Variants in GPC5 observed in about 807,000 individuals in gnomAD.
GPC5 encodes the protein glypican 5.
Under a neutral mutation model 53.9 loss-of-function variants are expected in GPC5, and 47 were observed. The ratio of observed to expected loss-of-function variants is 0.87; its 90% CI spans 0.69 to 1.11. The LOEUF is 1.11. Among genes scored for constraint, GPC5 ranks in the 50% most tolerant of loss-of-function variants. GPC5 has a pLI of 0.00. For missense variants in GPC5, 748 were observed against 713.1 expected, an observed-to-expected ratio of 1.05 and a Z score of -0.56; for synonymous variants, 286 against 263.3, an observed-to-expected ratio of 1.09 and a Z score of -0.84.
chr13:92,725,422 T>G (rs1345600187), intron 7 of GPC5, among the ~76,000 whole-genome samples: 1 of 151,514 alleles, frequency 6.6e-6, no homozygotes, highest in Non-Finnish European at 1.5e-5. Flanking sequence ...ATTTATGACT[T>G]GAAAAAAACA....
chr13:91,878,195 G>A (rs1049814029), intron 5 of GPC5, among the ~76,000 whole-genome samples: 2 of 152,162 alleles, frequency 1.3e-5, no homozygotes, highest in African/African-American at 4.8e-5. Flanking sequence ...AGTAGTTTGT[G>A]TAATAATATG....
intron 7 of GPC5, among the ~76,000 whole-genome samples, chr13:92,691,471 T>C (rs1209026371): frequency 1.7e-4 from 26 of 149,230 alleles, no homozygotes; most frequent in Non-Finnish European, 1.5e-5. Context: ...TGTCTGGCAC[T>C]CCCTAGTGAG....
intron 5 of GPC5, among the ~76,000 whole-genome samples, chr13:91,862,632 G>T (rs897938692): frequency 2.6e-5 from 4 of 151,878 alleles, no homozygotes; most frequent in Non-Finnish European, 5.9e-5. Context: ...ACATATAGAT[G>T]ATTCTATATA....
intron 7 of GPC5, among the ~76,000 whole-genome samples, chr13:92,234,365 A>T (rs1477077729): frequency 6.6e-6 from 1 of 152,074 alleles, no homozygotes; most frequent in East Asian, 1.9e-4. Flanking sequence ...CTGGTGTGAG[A>T]TGGTATCTCA....
intron 1 of GPC5, among the ~76,000 whole-genome samples, chr13:91,429,491 TTAATTC>T (rs1879282128): frequency 6.6e-6 from 1 of 152,168 alleles, no homozygotes; most frequent in Non-Finnish European, 1.5e-5. Flanking sequence ...TAGAGATTGG[TTAATTC>T]TAACATAGGC....
chr13:91,870,812 G>A (rs879809397), intron 5 of GPC5, among the ~76,000 whole-genome samples: 1 of 152,082 alleles, frequency 6.6e-6, no homozygotes, highest in Non-Finnish European at 1.5e-5. Context: ...AGAAGAATAC[G>A]GTCTTGATAA....
intron 2 of GPC5, among the ~76,000 whole-genome samples, chr13:91,619,136 C>T (rs2033782176): frequency 1.3e-5 from 2 of 151,978 alleles, no homozygotes; most frequent in Non-Finnish European, 2.9e-5. Flanking sequence ...AGGAATATTA[C>T]AGATCGCTTA....
intron 2 of GPC5, among the ~76,000 whole-genome samples, chr13:91,521,103 G>A (rs1253402484): frequency 4.6e-5 from 7 of 152,078 alleles, no homozygotes; most frequent in African/African-American, 1.2e-4. Flanking sequence ...TTGTTATGTG[G>A]AACAGGGCCA....
At chr13:91,956,165 T>TC (rs931264715) in intron 6 of GPC5, among the ~76,000 whole-genome samples, 3 of 150,876 alleles carry the variant, frequency 2.0e-5, no homozygotes, top group Admixed American at 1.3e-4. Context: ...TTCAGTTTTC[T>TC]CCCCCCCACC....
At chr13:91,845,144 A>G (rs781764623) in intron 5 of GPC5, among the ~76,000 whole-genome samples, 9 of 152,160 alleles carry the variant, frequency 5.9e-5, no homozygotes, top group Non-Finnish European at 1.2e-4. Flanking sequence ...TTCCTTTTTT[A>G]TACTGTAATA....
intron 7 of GPC5, among the ~76,000 whole-genome samples, chr13:92,164,326 GCAA>G: frequency 6.6e-6 from 1 of 152,216 alleles, no homozygotes; most frequent in South Asian, 2.1e-4. Context: ...AAAATCAAAA[GCAA>G]CATACAGTGG....
intron 7 of GPC5, among the ~76,000 whole-genome samples, chr13:92,413,630 G>A (rs936684356): frequency 6.6e-6 from 1 of 152,114 alleles, no homozygotes; most frequent in East Asian, 1.9e-4. Context: ...GAGGATCAAG[G>A]GTAGTGAAAA....
intron 2 of GPC5, among the ~76,000 whole-genome samples, chr13:91,675,632 C>T (rs960420182): frequency 2.6e-5 from 4 of 152,196 alleles, no homozygotes; most frequent in East Asian, 1.9e-4. Flanking sequence ...GTAGATTGTA[C>T]AACCAATAGC....
At chr13:92,733,657 T>C (rs958688730) in intron 7 of GPC5, among the ~76,000 whole-genome samples, 1 of 151,772 alleles carries the variant, frequency 6.6e-6, no homozygotes, top group African/African-American at 2.4e-5. Context: ...AGTACATAGT[T>C]CATATTTCTC....
chr13:92,250,027 G>T (rs2042681114), intron 7 of GPC5, among the ~76,000 whole-genome samples: 1 of 151,954 alleles, frequency 6.6e-6, no homozygotes, highest in East Asian at 1.9e-4. Flanking sequence ...AAAGATCAAT[G>T]GATAATAAAT....
At chr13:92,864,557 T>C (rs1879282539) in intron 7 of GPC5, among the ~76,000 whole-genome samples, 2 of 151,512 alleles carry the variant, frequency 1.3e-5, no homozygotes, top group Admixed American at 6.6e-5. Context: ...TATGTAGTTA[T>C]CTTAGAAAAA....
chr13:92,323,148 A>T (rs2139225520), intron 7 of GPC5, among the ~76,000 whole-genome samples: 1 of 151,632 alleles, frequency 6.6e-6, no homozygotes, highest in African/African-American at 2.4e-5. Context: ...GAAATCGAAG[A>T]AATCACAGTT....
At chr13:92,254,851 C>T (rs1170061711) in intron 7 of GPC5, among the ~76,000 whole-genome samples, 2 of 152,118 alleles carry the variant, frequency 1.3e-5, no homozygotes, top group African/African-American at 4.8e-5. Context: ...ATGTAATCAC[C>T]TCCCATGGGG....
intron 5 of GPC5, among the ~76,000 whole-genome samples, chr13:91,819,241 C>A (rs1453066286): frequency 3.6e-4 from 52 of 143,694 alleles, no homozygotes; most frequent in African/African-American, 1.1e-3. Flanking sequence ...CTCACTGCAA[C>A]CTCCACCTCC....
Sources: allele counts gnomAD v4.1 joint callset (sites outside exome capture counted in the v4.1 genomes callset), GRCh38; gene constraint gnomAD v4.1.1; transcripts MANE v1.5; gene names NCBI Gene and HGNC (gene_info 2026-07-23, HGNC 2026-07-21).